Variants in RCL1 observed in about 807,000 individuals in gnomAD.
RCL1 encodes RNA terminal phosphate cyclase like 1, also known as RNA 3'-terminal phosphate cyclase-like protein.
In RCL1, 24 loss-of-function variants were observed where a neutral mutation model predicts 42.4. That is an observed-to-expected ratio of 0.57 (90% CI 0.41 to 0.80). The LOEUF (loss-of-function observed/expected upper bound fraction) is 0.80. RCL1 is among the 30% of genes least tolerant of loss of function. RCL1 has a pLI of 0.00. For synonymous variants in RCL1, 228 were observed against 177.3 expected (o/e 1.29, Z -2.27); for missense variants, 578 against 467.9 (o/e 1.24, Z -2.17).
At chr9:4,821,507 T>A (rs887886109) in intron 1 of RCL1, among the ~76,000 whole-genome samples, 1 of 152,176 alleles carries the variant, frequency 6.6e-6, no homozygotes, top group Non-Finnish European at 1.5e-5. Context: ...GAAAAGAAAT[T>A]TATCACAGTT....
chr9:4,850,486 TTTTTTTC>T, intron 8 of RCL1: 1 of 176,998 alleles, frequency 5.6e-6, no homozygotes, highest in South Asian at 6.5e-5. Context: ...TGGAGGCTTT[TTTTTTTC>T]TTTTTTTTTT....
chr9:4,826,037 C>G (rs1049520799), intron 2 of RCL1, among the ~76,000 whole-genome samples: 1 of 150,950 alleles, frequency 6.6e-6, no homozygotes, highest in African/African-American at 2.4e-5. Flanking sequence ...CAAGACTATC[C>G]TGGACAACAT....
At chr9:4,795,869 C>T (rs192095333) in intron 1 of RCL1, among the ~76,000 whole-genome samples, 260 of 152,146 alleles carry the variant, frequency 1.7e-3, no homozygotes, top group African/African-American at 5.2e-3. Context: ...GCTGGTTGCC[C>T]CTGTTCTCAT....
At chr9:4,857,458 GA>G (rs34756562) in intron 8 of RCL1, among the ~76,000 whole-genome samples, 69,218 of 149,590 alleles carry the variant, frequency 0.46, 18,518 homozygotes, top group African/African-American at 0.75. Context: ...TTTTATGGCA[GA>G]AAAAAAAAAA....
chr9:4,852,604 G>T (rs1817789589), intron 8 of RCL1, among the ~76,000 whole-genome samples: 1 of 152,106 alleles, frequency 6.6e-6, no homozygotes. Flanking sequence ...TAGATAAGGT[G>T]CGTGGTCCTG....
intron 2 of RCL1, among the ~76,000 whole-genome samples, 176 bp from the exon 3 acceptor site, chr9:4,826,682 G>T (rs1214721400): frequency 6.6e-6 from 1 of 152,176 alleles, no homozygotes; most frequent in Non-Finnish European, 1.5e-5. Flanking sequence ...TGTTACAGGG[G>T]CTTGACAGTA....
intron 5 of RCL1, among the ~76,000 whole-genome samples, chr9:4,835,990 A>G (rs1431004955): frequency 6.6e-6 from 1 of 152,112 alleles, no homozygotes; most frequent in Non-Finnish European, 1.5e-5. Context: ...GGGGGTTGGG[A>G]TGAGTTTTCA....
intron 3 of RCL1, chr9:4,827,266 T>C: frequency 2.1e-6 from 3 of 1,431,440 alleles, no homozygotes; most frequent in Non-Finnish European, 1.8e-6. Context: ...TGTTGTTACC[T>C]AAGAACCTTC....
At chr9:4,843,047 T>A (rs1197708534) in intron 6 of RCL1, among the ~76,000 whole-genome samples, 1 of 152,224 alleles carries the variant, frequency 6.6e-6, no homozygotes, top group East Asian at 1.9e-4. Context: ...TGATGTAGAC[T>A]GTGGGCCATC....
At chr9:4,859,947 A>T (rs1818105813) in intron 8 of RCL1, among the ~76,000 whole-genome samples, 178 bp from the exon 9 acceptor site, 2 of 152,096 alleles carry the variant, frequency 1.3e-5, no homozygotes, top group African/African-American at 4.8e-5. Flanking sequence ...AACTATCTAA[A>T]TCTTCTTTGG....
chr9:4,809,727 G>A (rs1816106609), intron 1 of RCL1, among the ~76,000 whole-genome samples: 1 of 152,140 alleles, frequency 6.6e-6, no homozygotes, highest in South Asian at 2.1e-4. Flanking sequence ...TTTCTTCCCT[G>A]TATTGATATC....
chr9:4,835,776 TTA>T (rs1341964444), intron 5 of RCL1, among the ~76,000 whole-genome samples: 2 of 152,240 alleles, frequency 1.3e-5, no homozygotes, highest in Non-Finnish European at 2.9e-5. Context: ...CCGTATATCT[TTA>T]GTCCTGTTAT....
chr9:4,826,026 T>G (rs1462074136), intron 2 of RCL1, among the ~76,000 whole-genome samples: 1 of 151,042 alleles, frequency 6.6e-6, no homozygotes, highest in Non-Finnish European at 1.5e-5. Flanking sequence ...GCCCAAGAGT[T>G]CAAGACTATC....
intron 2 of RCL1, among the ~76,000 whole-genome samples, chr9:4,825,649 C>G (rs1362578359): frequency 6.6e-6 from 1 of 152,144 alleles, no homozygotes; most frequent in African/African-American, 2.4e-5. Flanking sequence ...GAGGGCATTG[C>G]AAAAGATTTT....
intron 1 of RCL1, chr9:4,803,660 A>G (rs1218690962): frequency 1.3e-5 from 2 of 152,046 alleles, no homozygotes; most frequent in Non-Finnish European, 1.5e-5. Context: ...TGAGTTCAGC[A>G]CTTGACCATG....
At chr9:4,857,107 C>G (rs547990082) in intron 8 of RCL1, among the ~76,000 whole-genome samples, 1 of 152,326 alleles carries the variant, frequency 6.6e-6, no homozygotes, top group South Asian at 2.1e-4. Context: ...AACCAATTCA[C>G]ATATGACACA....
At chr9:4,858,737 A>G (rs1219762875) in intron 8 of RCL1, among the ~76,000 whole-genome samples, 2 of 106,476 alleles carry the variant, frequency 1.9e-5, no homozygotes, top group African/African-American at 3.5e-5. Flanking sequence ...AGGTTATTCC[A>G]TGTGCAGTCG....
rs958698635 is a variant in RCL1 at position 4,849,630 on chromosome 9, G to T, written c.971+80G>T. 4.9e-6 allele frequency: 5 copies of T among 1,030,124 alleles called. No homozygotes were observed. The Admixed American group carries it at 9.5e-5, about 20-fold the overall frequency. The allele number at this position is 1,030,124 out of a possible 1,614,324, so 63.8% of individuals were successfully genotyped here. On this transcript the variant is annotated intron_variant, in intron 8 of 8. Coordinates refer to ENST00000381750, the MANE Select transcript of RCL1 (RefSeq NM_005772.5). Reference sequence around the variant, plus strand: ...CCAAAATGACAAAGGGTGTTGTGCTGCACAGAGCCTGCACTATGAACACCT... The same window carrying T: ...CCAAAATGACAAAGGGTGTTGTGCTTCACAGAGCCTGCACTATGAACACCT...
Position 4,849,445 on chromosome 9 carries a change from A to C in RCL1, c.868-2A>C. 6.2e-7 allele frequency: 1 copy of C among 1,610,230 alleles called. No individual in the cohort carries two copies. The highest frequency in any genetic ancestry group is 8.5e-7 in the Non-Finnish European group (1 of 1,176,682). On this transcript the variant is annotated splice_acceptor_variant, in intron 7 of 8. Coordinates refer to ENST00000381750, the MANE Select transcript of RCL1 (RefSeq NM_005772.5). LOFTEE classifies it high-confidence loss of function. ...TGTACAATTATTAATTTGTGTTTAC[A>C]GGGTGGATGCGTAGACTCGACCAAC...
Sources: allele counts gnomAD v4.1 joint callset (sites outside exome capture counted in the v4.1 genomes callset), GRCh38; gene constraint gnomAD v4.1.1; transcripts MANE v1.5; gene names NCBI Gene and HGNC (gene_info 2026-07-23, HGNC 2026-07-21).